Variants in POT1 observed in about 807,000 individuals in gnomAD.
POT1 encodes the protein protection of telomeres 1.
In POT1, 47 loss-of-function variants were observed where a neutral mutation model predicts 78.5. The observed-to-expected ratio is 0.60, with a 90% CI of 0.47 to 0.76. POT1 has a LOEUF of 0.76. POT1 is among the 30% of genes least tolerant of loss of function. POT1 has a pLI of 0.00. For missense variants in POT1, 646 were observed against 749.9 expected (o/e 0.86, Z 1.62); for synonymous variants, 259 against 260.7 (o/e 0.99, Z 0.06).
intron 6 of POT1, among the ~76,000 whole-genome samples, chr7:124,890,797 A>G (rs1216834786): frequency 3.3e-5 from 5 of 151,868 alleles, no homozygotes; most frequent in African/African-American, 4.8e-5. Context: ...ATTGCTCAAG[A>G]GTGTATTGTT....
chr7:124,917,591 G>A (rs556735535), intron 2 of POT1, among the ~76,000 whole-genome samples: 1 of 152,174 alleles, frequency 6.6e-6, no homozygotes, highest in Admixed American at 6.5e-5. Context: ...AACAACATAT[G>A]AGGCATACAA....
intron 16 of POT1, among the ~76,000 whole-genome samples, chr7:124,828,284 G>T (rs979586934): frequency 1.4e-4 from 22 of 152,076 alleles, no homozygotes; most frequent in African/African-American, 4.8e-4. Flanking sequence ...GAATGGACAA[G>T]AATGTCAGAA....
Position 124,853,028 on chromosome 7 carries a change from G to A in POT1, c.813C>T (p.Tyr271=), listed in dbSNP as rs61756407. 1.0e-4 allele frequency: 164 copies of A among 1,613,142 alleles called. No homozygotes were observed. In the Middle Eastern group the frequency reaches 1.3e-3, roughly 13 times the overall value. ...LEFHLHGGTS[Y]GRGIRVLPES... ...CTGGCAAGACCCTGATTCCCCGACC[G>A]TAACTGGTACCTCCATGAAGATGAA... The change falls in exon 10 of 19, where the codon TAC becomes TAT. Residue 271 remains tyrosine (Y), a synonymous_variant. Transcript: ENST00000357628.
chr7:124,866,067 C>T lies in POT1; in HGVS notation c.256-2427G>A, dbSNP rs569932740. ...CTTCTGACAAACACTGATTTTTGTT[C>T]TTGTTGGCCACTGAGTTGTTGTCTG... On this transcript the variant is annotated intron_variant, in intron 7 of 18. Coordinates refer to ENST00000357628, the MANE Select transcript of POT1 (RefSeq NM_015450.3). Among the ~76,000 whole-genome samples, 7 of 151,996 alleles carry T rather than the reference C, an allele frequency of 4.6e-5. No individual in the cohort carries two copies. In the East Asian group the frequency reaches 1.2e-3, roughly 25 times the overall value.
intron 6 of POT1, among the ~76,000 whole-genome samples, chr7:124,876,006 A>G (rs538477291): frequency 1.3e-5 from 2 of 152,332 alleles, no homozygotes; most frequent in African/African-American, 4.8e-5. Context: ...TGAAAGATCA[A>G]TCTTTAATCA....
chr7:124,872,711 C>T lies in POT1; in HGVS notation c.125-1670G>A, dbSNP rs145696268. 6.9e-3 allele frequency among the ~76,000 whole-genome samples: 1,050 copies of T among 152,218 alleles called. 2 individuals carry two copies. The highest frequency in any genetic ancestry group is 0.014 in the Middle Eastern group (4 of 294). ...CTGCTGGGGGTCTTGGAGCATATCC[C>T]CTTTGGACAAAGGAAAAGTACTGTA... On this transcript the variant is annotated intron_variant, in intron 6 of 18. Coordinates refer to ENST00000357628, the MANE Select transcript of POT1 (RefSeq NM_015450.3).
intron 3 of POT1, chr7:124,900,787 A>C (rs4383910): frequency 0.56 from 200,007 of 357,606 alleles, 56,710 homozygotes; most frequent in African/African-American, 0.64. Flanking sequence ...GAACATCGGG[A>C]CACTCCTGCC....
At chr7:124,873,674 T>C (rs1330428011) in intron 6 of POT1, among the ~76,000 whole-genome samples, 1 of 152,172 alleles carries the variant, frequency 6.6e-6, no homozygotes, top group Non-Finnish European at 1.5e-5. Flanking sequence ...GAATTGGTGT[T>C]AGTTCTCCAT....
chr7:124,855,168 T>A (rs1156320408), intron 9 of POT1, among the ~76,000 whole-genome samples: 3 of 60,496 alleles, frequency 5.0e-5, no homozygotes, highest in Admixed American at 4.7e-4. Context: ...AAAAGGATAA[T>A]AAACATAGGT....
chr7:124,889,754 T>C (rs1198788742), intron 6 of POT1, among the ~76,000 whole-genome samples: 5 of 151,954 alleles, frequency 3.3e-5, no homozygotes, highest in African/African-American at 2.4e-5. Flanking sequence ...CTGGATGACA[T>C]TGCTCACAGC....
chr7:124,838,302 T>C (rs1045166722), intron 14 of POT1, among the ~76,000 whole-genome samples: 1 of 152,006 alleles, frequency 6.6e-6, no homozygotes, highest in Non-Finnish European at 1.5e-5. Flanking sequence ...CAAGCAATTA[T>C]AGCAACGGTA....
chr7:124,899,428 C>A (rs187159996), intron 3 of POT1, among the ~76,000 whole-genome samples: 9 of 152,248 alleles, frequency 5.9e-5, no homozygotes, highest in Non-Finnish European at 1.0e-4. Flanking sequence ...CAAATTACCA[C>A]AACTCTTCAT....
chr7:124,861,374 CAT>C (rs1209916556), intron 8 of POT1, among the ~76,000 whole-genome samples: 2 of 152,176 alleles, frequency 1.3e-5, no homozygotes, highest in African/African-American at 4.8e-5. Context: ...AACTTCTTTT[CAT>C]ATGTCTGTTA....
chr7:124,887,299 G>T (rs1640817964), intron 6 of POT1, among the ~76,000 whole-genome samples: 1 of 152,092 alleles, frequency 6.6e-6, no homozygotes, highest in African/African-American at 2.4e-5. Context: ...TACAACAACA[G>T]ATATTAAAAG....
intron 10 of POT1, 70 bp from the exon 11 acceptor site, chr7:124,852,021 C>T: frequency 9.8e-7 from 1 of 1,020,378 alleles, no homozygotes; most frequent in East Asian, 2.5e-5. Context: ...GCTCTACCCA[C>T]AAAATCCAGA....
At chr7:124,892,015 T>A (rs1018133210) in intron 6 of POT1, among the ~76,000 whole-genome samples, 3 of 151,666 alleles carry the variant, frequency 2.0e-5, no homozygotes, top group Middle Eastern at 3.2e-3. Context: ...TATATTTTCA[T>A]ATGGTTTCAC....
intron 2 of POT1, among the ~76,000 whole-genome samples, chr7:124,919,615 C>A (rs1797098967): frequency 6.6e-6 from 1 of 152,068 alleles, no homozygotes; most frequent in South Asian, 2.1e-4. Flanking sequence ...GAGTCTCAGG[C>A]ACGTACAGAG....
At chr7:124,906,954 T>C (rs957795448) in intron 3 of POT1, among the ~76,000 whole-genome samples, 1 of 152,060 alleles carries the variant, frequency 6.6e-6, no homozygotes, top group African/African-American at 2.4e-5. Flanking sequence ...TTATATGGGG[T>C]GTTCTAAGCT....
intron 6 of POT1, among the ~76,000 whole-genome samples, chr7:124,887,541 T>C (rs950493314): frequency 6.6e-6 from 1 of 152,124 alleles, no homozygotes; most frequent in Non-Finnish European, 1.5e-5. Context: ...TATCTTTATT[T>C]TAAAAATGGT....
Sources: gnomAD v4.1 joint callset for allele counts (sites outside exome capture counted in the v4.1 genomes callset) on GRCh38, gnomAD v4.1.1 for gene constraint, MANE v1.5 for transcripts, NCBI Gene and HGNC (gene_info 2026-07-23, HGNC 2026-07-21) for gene names.